PKIB: variants seen among roughly 807,000 people sequenced by gnomAD.
PKIB encodes PKI-beta.
In PKIB, 2 loss-of-function variants were observed where a neutral mutation model predicts 4.5. That is an observed-to-expected ratio of 0.44 (90% CI 0.18 to 1.39). The LOEUF is 1.39. PKIB is among the 40% of genes most tolerant of loss of function. The pLI is 0.27. For synonymous variants in PKIB, 38 were observed against 36.0 expected, an observed-to-expected ratio of 1.06 and a Z score of -0.20; for missense variants, 94 against 92.6, an observed-to-expected ratio of 1.02 and a Z score of -0.06.
At chr6:122,599,830 G>A (rs920477369) in intron 3 of PKIB, among the ~76,000 whole-genome samples, 2 of 151,870 alleles carry the variant, frequency 1.3e-5, no homozygotes, top group Admixed American at 6.6e-5. Flanking sequence ...GCATTTTTGG[G>A]TCTAATCATA....
At chr6:122,489,189 GA>G (rs1463899857) in intron 2 of PKIB, among the ~76,000 whole-genome samples, 3 of 151,180 alleles carry the variant, frequency 2.0e-5, no homozygotes, top group African/African-American at 4.9e-5. Context: ...AAAGAAGGGG[GA>G]AAAATAAGAG....
intron 3 of PKIB, among the ~76,000 whole-genome samples, chr6:122,600,984 G>GA (rs1554223178): frequency 1.3e-5 from 2 of 151,104 alleles, no homozygotes; most frequent in Admixed American, 6.6e-5. Context: ...GGAAGATATG[G>GA]AAAAAAACCA....
intron 2 of PKIB, among the ~76,000 whole-genome samples, chr6:122,582,435 A>G (rs1296579473): frequency 2.0e-5 from 3 of 152,078 alleles, no homozygotes; most frequent in Non-Finnish European, 4.4e-5. Flanking sequence ...TCCAAAGGCC[A>G]AAAAATGTTT....
At position 122,693,639 on chromosome 6, in the gene PKIB, T is replaced by C. The variant is rs149585286; in HGVS notation, c.-9+18495T>C. Among the ~76,000 whole-genome samples the C allele has an allele frequency of 1.2e-3, 181 of 152,346 alleles. 4 individuals carry two copies. The East Asian group carries it at 0.019, about 16-fold the overall frequency. ...TGATAACATACACTTTCTCTCCCCATAGACAGGATCTGCAAATGATGTGGA... is the reference window on the plus strand; with the variant it reads ...TGATAACATACACTTTCTCTCCCCACAGACAGGATCTGCAAATGATGTGGA... On this transcript the variant is annotated intron_variant, in intron 3 of 4. Coordinates refer to ENST00000368452, the MANE Select transcript of PKIB (RefSeq NM_181795.3).
At chr6:122,570,740 A>G (rs1252092686) in intron 2 of PKIB, among the ~76,000 whole-genome samples, 2 of 152,222 alleles carry the variant, frequency 1.3e-5, no homozygotes, top group African/African-American at 4.8e-5. Context: ...AAGAAATTAA[A>G]TAAAAACCAC....
Position 122,676,521 on chromosome 6 carries a change from C to T in PKIB, c.-9+1377C>T, listed in dbSNP as rs140027513. On this transcript the variant is annotated intron_variant, in intron 3 of 4. Transcript: ENST00000368452. ...AATAGCTGTGTGAGACCTTGGACAGCATAATTCTGGGGTTCTCAACTATAA... is the reference window on the plus strand; with the variant it reads ...AATAGCTGTGTGAGACCTTGGACAGTATAATTCTGGGGTTCTCAACTATAA... 3.1e-3 allele frequency among the ~76,000 whole-genome samples: 475 copies of T among 152,222 alleles called. 2 individuals are homozygous for T. The highest frequency in any genetic ancestry group is 0.01 in the Middle Eastern group (3 of 294).
chr6:122,562,385 A>T (rs559204750), intron 2 of PKIB, among the ~76,000 whole-genome samples: 1 of 152,176 alleles, frequency 6.6e-6, no homozygotes, highest in Non-Finnish European at 1.5e-5. Context: ...ACAGCTGTTA[A>T]GATTTTTTCC....
intron 2 of PKIB, among the ~76,000 whole-genome samples, chr6:122,579,971 A>G (rs1228459842): frequency 6.6e-6 from 1 of 152,204 alleles, no homozygotes; most frequent in Non-Finnish European, 1.5e-5. Context: ...TTCTAAGATT[A>G]TTAAAAATAG....
chr6:122,542,651 C>T (rs918713259), intron 2 of PKIB, among the ~76,000 whole-genome samples: 2 of 152,230 alleles, frequency 1.3e-5, no homozygotes, highest in South Asian at 2.1e-4. Flanking sequence ...CCCAGTTAGG[C>T]TGCTCGGGGG....
intron 2 of PKIB, among the ~76,000 whole-genome samples, chr6:122,550,768 A>AT (rs1772652863): frequency 6.6e-6 from 1 of 152,094 alleles, no homozygotes; most frequent in Non-Finnish European, 1.5e-5. Flanking sequence ...TATTTTCTTC[A>AT]TCCTGTCTTT....
chr6:122,546,260 A>T lies in PKIB; in HGVS notation c.-247-39661A>T, dbSNP rs796450665. The stretch of plus-strand genomic sequence containing the variant: ...TAGGGTCTTGCTCTTCAGAGCATGC[A>T]TAGCATGAGGGACTCTTGGTTGGAC... On this transcript the variant is annotated intron_variant, in intron 2 of 6. Coordinates refer to the PKIB transcript ENST00000392491. Among the ~76,000 whole-genome samples, 62 of 152,208 alleles carry T rather than the reference A, an allele frequency of 4.1e-4. 1 individual carries two copies. The highest frequency in any genetic ancestry group is 1.3e-3 in the African/African-American group (54 of 41,478).
At chr6:122,666,672 G>A (rs891460982) in intron 2 of PKIB, among the ~76,000 whole-genome samples, 1 of 152,086 alleles carries the variant, frequency 6.6e-6, no homozygotes, top group Non-Finnish European at 1.5e-5. Context: ...TGAACATCTG[G>A]TATTAATCTA....
intron 4 of PKIB, among the ~76,000 whole-genome samples, chr6:122,720,101 G>A (rs557609904): frequency 6.6e-6 from 1 of 152,114 alleles, no homozygotes; most frequent in Non-Finnish European, 1.5e-5. Context: ...AGATGTTATG[G>A]TTTCAATAAT....
At chr6:122,600,038 T>TATAG (rs1390015013) in intron 3 of PKIB, among the ~76,000 whole-genome samples, 261 of 149,536 alleles carry the variant, frequency 1.7e-3, no homozygotes, top group Non-Finnish European at 2.5e-3. Flanking sequence ...TATAGCTATA[T>TATAG]CTATCTATAC....
intron 3 of PKIB, among the ~76,000 whole-genome samples, chr6:122,698,423 A>C (rs961137498): frequency 1.0e-3 from 153 of 152,164 alleles, no homozygotes; most frequent in Non-Finnish European, 1.6e-3. Context: ...CCAATGCATT[A>C]CCAGGCATTG....
intron 2 of PKIB, among the ~76,000 whole-genome samples, chr6:122,494,319 C>T (rs1001844581): frequency 2.0e-5 from 3 of 148,394 alleles, no homozygotes; most frequent in Non-Finnish European, 4.5e-5. Flanking sequence ...CTTTTCTGGA[C>T]TTCTATTTAC....
intron 2 of PKIB, among the ~76,000 whole-genome samples, chr6:122,539,132 T>G (rs553872908): frequency 3.6e-4 from 54 of 152,104 alleles, no homozygotes; most frequent in Non-Finnish European, 5.9e-4. Context: ...TGCAAACAGG[T>G]ACAATTTGAC....
rs1303858205 is a variant in PKIB, at chr6:122,622,560, A to G, written c.-160-10723A>G. Reference sequence around the variant, plus strand: ...ACCCCTTGTTAACCTGGCCCTCTTGAGAGACAGTGAGCTGGGGGTGCACTG... The same window carrying G: ...ACCCCTTGTTAACCTGGCCCTCTTGGGAGACAGTGAGCTGGGGGTGCACTG... On this transcript the variant is annotated intron_variant, in intron 1 of 4. Transcript: ENST00000368452. 2.6e-5 allele frequency among the ~76,000 whole-genome samples: 4 copies of G among 152,190 alleles called. No individual in the cohort carries two copies. The East Asian group carries it at 5.8e-4, about 22-fold the overall frequency.
At chr6:122,643,235 T>C (rs1776187086) in intron 2 of PKIB, among the ~76,000 whole-genome samples, 1 of 152,106 alleles carries the variant, frequency 6.6e-6, no homozygotes, top group Non-Finnish European at 1.5e-5. Context: ...CCCATGCAAT[T>C]GTTTGATTTT....
Sources: allele counts gnomAD v4.1 joint callset (sites outside exome capture counted in the v4.1 genomes callset), GRCh38; gene constraint gnomAD v4.1.1; transcripts MANE v1.5; gene names NCBI Gene and HGNC (gene_info 2026-07-23, HGNC 2026-07-21).